Variants in BMPR1B observed in about 807,000 individuals in gnomAD.
BMPR1B encodes the protein bone morphogenetic protein receptor type 1B.
Under a neutral mutation model 59.1 loss-of-function variants are expected in BMPR1B, and 12 were observed. The ratio of observed to expected loss-of-function variants is 0.20; its 90% CI spans 0.13 to 0.33. BMPR1B has a LOEUF of 0.33. Ranked by LOEUF, BMPR1B falls within the 10% of genes least tolerant of loss-of-function variation. The probability of loss-of-function intolerance (pLI) is 1.00; values close to 1 mark genes in which losing one functional copy is unlikely to be tolerated. For missense variants in BMPR1B, 550 were observed against 610.9 expected (o/e 0.90, Z 1.05); for synonymous variants, 237 against 207.3 (o/e 1.14, Z -1.23).
chr4:94,858,238 C>T (rs529036734), intron 1 of BMPR1B, among the ~76,000 whole-genome samples: 2 of 152,236 alleles, frequency 1.3e-5, no homozygotes, highest in East Asian at 3.9e-4. Flanking sequence ...GCGTGAGCCA[C>T]CGTGCCTGGC....
At chr4:95,085,021 G>A (rs780773731) in intron 3 of BMPR1B, among the ~76,000 whole-genome samples, 1 of 152,150 alleles carries the variant, frequency 6.6e-6, no homozygotes, top group African/African-American at 2.4e-5. Context: ...TTGTATGTAA[G>A]TTTTTACATT....
chr4:94,952,090 G>A (rs1729963693), intron 2 of BMPR1B, among the ~76,000 whole-genome samples: 1 of 152,090 alleles, frequency 6.6e-6, no homozygotes, highest in Admixed American at 6.6e-5. Flanking sequence ...ATTTCTTTGG[G>A]ATCAGAGATG....
intron 1 of BMPR1B, among the ~76,000 whole-genome samples, chr4:94,837,843 C>G (rs1229562512): frequency 1.4e-5 from 2 of 143,436 alleles, no homozygotes; most frequent in Non-Finnish European, 3.1e-5. Flanking sequence ...TGCCAGTTTT[C>G]AAAGGGAATG....
intron 2 of BMPR1B, among the ~76,000 whole-genome samples, chr4:94,992,321 C>A (rs1380048806): frequency 6.6e-6 from 1 of 152,182 alleles, no homozygotes; most frequent in Non-Finnish European, 1.5e-5. Context: ...GCAAATCCGT[C>A]CTGAGTTTGT....
In BMPR1B at chr4:95,042,091, C is replaced by T. The variant is rs533339870; in HGVS notation, c.-18+45957C>T. 8.5e-5 allele frequency among the ~76,000 whole-genome samples: 13 copies of T among 152,170 alleles called. No homozygotes were observed. The South Asian group carries it at 1.9e-3, about 22-fold the overall frequency. Reference sequence around the variant, plus strand: ...CAGGATGGTCTCGATCTCCTGACCTCGTGATCCACCCGCCTCGGCCTCCCA... The same window carrying T: ...CAGGATGGTCTCGATCTCCTGACCTTGTGATCCACCCGCCTCGGCCTCCCA... On this transcript the variant is annotated intron_variant, in intron 3 of 12. Coordinates refer to ENST00000515059, the MANE Select transcript of BMPR1B (RefSeq NM_001203.3).
chr4:95,009,164 G>A (rs546461031), intron 3 of BMPR1B, among the ~76,000 whole-genome samples: 15 of 152,268 alleles, frequency 9.9e-5, no homozygotes, highest in African/African-American at 3.6e-4. Flanking sequence ...GAAGCAACAC[G>A]AACTCTCATT....
At chr4:95,069,910 A>G (rs1418961883) in intron 3 of BMPR1B, among the ~76,000 whole-genome samples, 1 of 152,000 alleles carries the variant, frequency 6.6e-6, no homozygotes, top group Non-Finnish European at 1.5e-5. Flanking sequence ...GACCAGCCTG[A>G]CCAACATGGA....
At chr4:94,788,620 A>C (rs991402505) in intron 1 of BMPR1B, among the ~76,000 whole-genome samples, 1 of 152,148 alleles carries the variant, frequency 6.6e-6, no homozygotes. Flanking sequence ...AAAAGGCACA[A>C]ATCATACCTT....
chr4:94,781,928 CTTTT>C (rs1370523822), intron 1 of BMPR1B, among the ~76,000 whole-genome samples: 1 of 152,002 alleles, frequency 6.6e-6, no homozygotes, highest in Non-Finnish European at 1.5e-5. Flanking sequence ...AAAATACTCT[CTTTT>C]TGTCTTGTAG....
At chr4:94,910,451 C>T (rs1242414676) in intron 2 of BMPR1B, among the ~76,000 whole-genome samples, 2 of 152,046 alleles carry the variant, frequency 1.3e-5, no homozygotes, top group African/African-American at 4.8e-5. Context: ...TGAATTCTTT[C>T]CTGCTATTAG....
chr4:95,069,651 A>G (rs894120271), intron 3 of BMPR1B, among the ~76,000 whole-genome samples: 9 of 152,076 alleles, frequency 5.9e-5, no homozygotes, highest in Admixed American at 5.9e-4. Flanking sequence ...TGTTTTATTT[A>G]CTGTTTCTTT....
At chr4:94,989,407 A>C (rs1157527448) in intron 2 of BMPR1B, among the ~76,000 whole-genome samples, 1 of 151,812 alleles carries the variant, frequency 6.6e-6, no homozygotes, top group Admixed American at 6.6e-5. Flanking sequence ...AAAAAAACAA[A>C]AAAAATCATT....
At chr4:94,787,560 C>G (rs1722807197) in intron 1 of BMPR1B, among the ~76,000 whole-genome samples, 1 of 152,140 alleles carries the variant, frequency 6.6e-6, no homozygotes, top group South Asian at 2.1e-4. Context: ...CCTCTTTGTC[C>G]TTTCATATAT....
intron 3 of BMPR1B, among the ~76,000 whole-genome samples, chr4:95,063,462 A>G (rs916990111): frequency 2.6e-5 from 4 of 152,298 alleles, no homozygotes; most frequent in Non-Finnish European, 4.4e-5. Flanking sequence ...TTCCATTTGT[A>G]TAAATGTAGA....
chr4:95,067,223 A>G, intron 3 of BMPR1B, among the ~76,000 whole-genome samples: 1 of 152,128 alleles, frequency 6.6e-6, no homozygotes, highest in Non-Finnish European at 1.5e-5. Flanking sequence ...GCCTAGATCT[A>G]CTCTTAAGTC....
chr4:95,050,457 T>C (rs1350388411), intron 3 of BMPR1B, among the ~76,000 whole-genome samples: 2 of 152,098 alleles, frequency 1.3e-5, no homozygotes, highest in Non-Finnish European at 2.9e-5. Flanking sequence ...TTGTAGTATG[T>C]GTAAAATTAT....
chr4:95,129,328 C>T (rs776373341), intron 8 of BMPR1B, among the ~76,000 whole-genome samples: 21 of 152,082 alleles, frequency 1.4e-4, no homozygotes, highest in Non-Finnish European at 2.4e-4. Flanking sequence ...TTTGCCCAGA[C>T]GGCAGCTTGG....
chr4:95,108,573 A>G (rs1731363781), intron 4 of BMPR1B, among the ~76,000 whole-genome samples: 1 of 152,102 alleles, frequency 6.6e-6, no homozygotes, highest in Non-Finnish European at 1.5e-5. Context: ...TTTCAGTACC[A>G]TTAATTACTC....
intron 10 of BMPR1B, among the ~76,000 whole-genome samples, chr4:95,142,502 T>C (rs557221930): frequency 4.5e-4 from 69 of 152,332 alleles, no homozygotes; most frequent in Admixed American, 1.2e-3. Context: ...AGAAGCTTTT[T>C]AGATTTTTTA....
Sources: gnomAD v4.1 joint callset for allele counts (sites outside exome capture counted in the v4.1 genomes callset) on GRCh38, gnomAD v4.1.1 for gene constraint, MANE v1.5 for transcripts, NCBI Gene and HGNC (gene_info 2026-07-23, HGNC 2026-07-21) for gene names.